Variants in CDH18 observed in about 807,000 individuals in gnomAD.
CDH18 encodes cadherin-18.
Under a neutral mutation model 67.9 loss-of-function variants are expected in CDH18, and 31 were observed. The observed-to-expected ratio is 0.46, with a 90% CI of 0.34 to 0.62. The LOEUF is 0.62. Among genes scored for constraint, CDH18 ranks in the 20% least tolerant of loss-of-function variants. CDH18 has a pLI of 0.01. For missense variants in CDH18, 890 were observed against 975.5 expected (o/e 0.91, Z 1.17); for synonymous variants, 362 against 347.2 (o/e 1.04, Z -0.48).
intron 2 of CDH18, among the ~76,000 whole-genome samples, chr5:20,102,937 C>A (rs1332910426): frequency 6.6e-6 from 1 of 152,108 alleles, no homozygotes; most frequent in Non-Finnish European, 1.5e-5. Context: ...GTTTTTTAGT[C>A]TTTAGTGTTC....
chr5:20,234,069 G>T (rs77068947), intron 2 of CDH18, among the ~76,000 whole-genome samples: 5 of 152,030 alleles, frequency 3.3e-5, no homozygotes, highest in Admixed American at 6.6e-5. Flanking sequence ...TGGTATAAGA[G>T]AAATGGGGAG....
chr5:19,604,530 A>AACACACACACACACAC, intron 6 of CDH18, among the ~76,000 whole-genome samples: 1 of 145,198 alleles, frequency 6.9e-6, no homozygotes, highest in African/African-American at 2.6e-5. Flanking sequence ...TTCAAATTAA[A>AACACACACACACACAC]ACACACACAC....
chr5:20,143,428 C>T lies in CDH18; in HGVS notation c.-518+112016G>A, dbSNP rs188698247. Among the ~76,000 whole-genome samples, 807 of 152,062 alleles carry T rather than the reference C, an allele frequency of 5.3e-3. 3 individuals are homozygous for T. Among genetic ancestry groups the T allele is most frequent in the Middle Eastern group, 0.027 (8 of 294 alleles). ...TGTTGCCCAGGCTGGAGTGCAGTGA[C>T]ACAATCATAGCTCACTGCAGCCTCA... On this transcript the variant is annotated intron_variant, in intron 2 of 14. Transcript: ENST00000507958.
chr5:19,605,780 T>C (rs1747940671), intron 6 of CDH18, among the ~76,000 whole-genome samples: 1 of 152,098 alleles, frequency 6.6e-6, no homozygotes, highest in Non-Finnish European at 1.5e-5. Context: ...TATGTAGTGC[T>C]GGTTGAAAGA....
chr5:19,678,032 C>T (rs1759743631), intron 5 of CDH18, among the ~76,000 whole-genome samples: 5 of 151,806 alleles, frequency 3.3e-5, no homozygotes, highest in Admixed American at 3.3e-4. Context: ...ATAGTGGAGA[C>T]TTCAACACAT....
chr5:20,464,132 CA>C (rs1373795623), intron 1 of CDH18, among the ~76,000 whole-genome samples: 1 of 151,990 alleles, frequency 6.6e-6, no homozygotes, highest in Non-Finnish European at 1.5e-5. Flanking sequence ...CTGACACACA[CA>C]AAAAACTCAA....
At chr5:20,496,775 C>T (rs1447813163) in intron 1 of CDH18, among the ~76,000 whole-genome samples, 1 of 152,106 alleles carries the variant, frequency 6.6e-6, no homozygotes, top group Non-Finnish European at 1.5e-5. Context: ...CACAGTTCTC[C>T]ATGCAATCAA....
chr5:19,620,852 T>C (rs1054270011), intron 5 of CDH18, among the ~76,000 whole-genome samples: 1 of 152,072 alleles, frequency 6.6e-6, no homozygotes, highest in Non-Finnish European at 1.5e-5. Context: ...CTTCTCCAGA[T>C]TGCCAAACCT....
At chr5:20,304,551 G>A (rs536421004) in intron 1 of CDH18, 1 of 1,611,530 alleles carries the variant, frequency 6.2e-7, no homozygotes, top group African/African-American at 1.3e-5. Context: ...CAAATAAACT[G>A]GAGTTTCCAG....
At chr5:19,698,580 A>G (rs1199464740) in intron 5 of CDH18, among the ~76,000 whole-genome samples, 3 of 152,248 alleles carry the variant, frequency 2.0e-5, no homozygotes, top group African/African-American at 4.8e-5. Flanking sequence ...GTTAAAAATT[A>G]TAAGTAGATA....
intron 1 of CDH18, among the ~76,000 whole-genome samples, chr5:20,544,351 T>C (rs1477432087): frequency 1.3e-5 from 2 of 152,196 alleles, no homozygotes; most frequent in Non-Finnish European, 2.9e-5. Flanking sequence ...TGTACATATG[T>C]GTATGTATAA....
rs1742719325 is a variant in CDH18 at position 20,239,408 on chromosome 5, A to C, written c.-518+16036T>G. 3.3e-5 allele frequency among the ~76,000 whole-genome samples: 5 copies of C among 152,224 alleles called. No individual in the cohort carries two copies. In the South Asian group the frequency reaches 1.0e-3, roughly 32 times the overall value. The stretch of plus-strand genomic sequence containing the variant: ...GAGGCAGAGGTCGCAGCAAGCCAAG[A>C]TCATGCTACTGCACTTCAGCCTGGG... On this transcript the variant is annotated intron_variant, in intron 2 of 14. Coordinates refer to the CDH18 transcript ENST00000507958.
intron 2 of CDH18, among the ~76,000 whole-genome samples, chr5:19,948,603 A>G (rs1292719347): frequency 6.6e-6 from 1 of 152,182 alleles, no homozygotes; most frequent in East Asian, 1.9e-4. Context: ...GTAGTTACGT[A>G]TAGCTACATG....
At chr5:19,599,233 A>G (rs1746673024) in intron 6 of CDH18, among the ~76,000 whole-genome samples, 1 of 152,140 alleles carries the variant, frequency 6.6e-6, no homozygotes, top group Non-Finnish European at 1.5e-5. Context: ...TAGATGTCCT[A>G]AGATTATATA....
intron 3 of CDH18, among the ~76,000 whole-genome samples, chr5:19,748,100 G>A (rs866007891): frequency 2.4e-3 from 25 of 10,448 alleles, no homozygotes; most frequent in Non-Finnish European, 0.011. Context: ...GAGACAGAGC[G>A]AGACTCCATC....
chr5:20,021,728 A>G (rs758819644), intron 2 of CDH18, among the ~76,000 whole-genome samples: 70 of 152,204 alleles, frequency 4.6e-4, no homozygotes, highest in Non-Finnish European at 7.2e-4. Context: ...CAGCCTGTGA[A>G]ACTGTGAGTC....
chr5:19,916,572 T>C lies in CDH18; in HGVS notation c.-257+64488A>G, dbSNP rs574200373. The stretch of plus-strand genomic sequence containing the variant: ...CATTTCATTTTCTGTGTCTCTCAGC[T>C]ACAGCATAAGATCTGTGACCTGTGA... On this transcript the variant is annotated intron_variant, in intron 2 of 12. Coordinates refer to ENST00000382275, the MANE Select transcript of CDH18 (RefSeq NM_004934.5). Among the ~76,000 whole-genome samples, 11 of 152,326 alleles carry C rather than the reference T, an allele frequency of 7.2e-5. No homozygotes were observed. In the South Asian group the frequency reaches 2.3e-3, roughly 32 times the overall value.
At chr5:19,752,219 CACAG>C (rs1431452778) in intron 3 of CDH18, among the ~76,000 whole-genome samples, 1 of 152,078 alleles carries the variant, frequency 6.6e-6, no homozygotes, top group Non-Finnish European at 1.5e-5. Context: ...GTGTAGACTC[CACAG>C]ACAGTGGAAG....
intron 2 of CDH18, among the ~76,000 whole-genome samples, chr5:19,904,257 G>C (rs1414914128): frequency 6.7e-6 from 1 of 150,292 alleles, no homozygotes; most frequent in Non-Finnish European, 1.5e-5. Flanking sequence ...CTGGGCGACA[G>C]TTAGACTCTG....
Sources: gnomAD v4.1 joint callset for allele counts (sites outside exome capture counted in the v4.1 genomes callset) on GRCh38, gnomAD v4.1.1 for gene constraint, MANE v1.5 for transcripts, NCBI Gene and HGNC (gene_info 2026-07-23, HGNC 2026-07-21) for gene names.